Variants in PAX5 observed in about 807,000 individuals in gnomAD.
PAX5 encodes the protein paired box protein Pax-5.
A neutral mutation model predicts 43.7 loss-of-function variants in PAX5; 9 were observed. The ratio of observed to expected loss-of-function variants is 0.21; its 90% CI spans 0.12 to 0.36. PAX5 has a LOEUF of 0.36. Ranked by LOEUF, PAX5 falls within the 10% of genes least tolerant of loss-of-function variation. The pLI is 1.00. For synonymous variants in PAX5, 228 were observed against 214.3 expected (o/e 1.06, Z -0.56); for missense variants, 383 against 532.7 (o/e 0.72, Z 2.77).
intron 8 of PAX5, among the ~76,000 whole-genome samples, chr9:36,849,849 G>A (rs533234781): frequency 1.3e-5 from 2 of 152,208 alleles, no homozygotes; most frequent in African/African-American, 2.4e-5. Context: ...TGTACGGGTC[G>A]TGAGGCTGAC....
intron 6 of PAX5, among the ~76,000 whole-genome samples, chr9:36,954,920 A>G (rs1833324639): frequency 6.6e-6 from 1 of 151,962 alleles, no homozygotes; most frequent in African/African-American, 2.4e-5. Flanking sequence ...TTAGCTTTCT[A>G]TGCTATGTTC....
intron 6 of PAX5, among the ~76,000 whole-genome samples, chr9:36,955,655 G>A (rs114771400): frequency 0.01 from 1,525 of 151,752 alleles, 17 homozygotes; most frequent in African/African-American, 0.035. Context: ...GTTCACTAGA[G>A]ACTATATTGA....
At chr9:37,033,810 A>G in intron 1 of PAX5, among the ~76,000 whole-genome samples, 176 bp downstream of exon 1, 1 of 152,178 alleles carries the variant, frequency 6.6e-6, no homozygotes, top group East Asian at 1.9e-4. Flanking sequence ...AGATATTTGG[A>G]CTGATGCAGA....
At chr9:36,943,625 A>G (rs1444003589) in intron 6 of PAX5, among the ~76,000 whole-genome samples, 2 of 151,802 alleles carry the variant, frequency 1.3e-5, no homozygotes, top group African/African-American at 2.4e-5. Context: ...ATCACTGTGT[A>G]AGAATTCTGG....
rs750654746 is a variant in PAX5, at chr9:37,020,818, AC to A, written c.47-18del. 2.5e-6 allele frequency: 4 copies of A among 1,613,228 alleles called. No homozygotes were observed. In the Admixed American group the frequency reaches 6.7e-5, roughly 27 times the overall value. ...CTCCATGTCCTGAAACAGATCAGAA[AC>A]AAAAGGAAAGGGAAAGGGTAGTTAG... On this transcript the variant is annotated intron_variant, in intron 1 of 9. Coordinates refer to ENST00000358127, the MANE Select transcript of PAX5 (RefSeq NM_016734.3).
chr9:36,871,425 G>A (rs1040480908), intron 8 of PAX5, among the ~76,000 whole-genome samples: 6 of 152,238 alleles, frequency 3.9e-5, no homozygotes, highest in African/African-American at 1.4e-4. Context: ...CACTAATGGG[G>A]GACCCCTAAC....
At chr9:36,911,735 A>T (rs3758164) in intron 7 of PAX5, among the ~76,000 whole-genome samples, 104,010 of 152,180 alleles carry the variant, frequency 0.68, 36,195 homozygotes, top group East Asian at 0.86. Flanking sequence ...CCCATGGAAA[A>T]ATGAACAAAT....
At chr9:36,849,123 A>C (rs765622054) in intron 8 of PAX5, among the ~76,000 whole-genome samples, 11 of 152,164 alleles carry the variant, frequency 7.2e-5, no homozygotes, top group Middle Eastern at 3.2e-3. Context: ...AATCCGTTGT[A>C]CGTGGGCATG....
At chr9:36,969,820 C>T (rs538642989) in intron 5 of PAX5, among the ~76,000 whole-genome samples, 1 of 152,340 alleles carries the variant, frequency 6.6e-6, no homozygotes, top group East Asian at 1.9e-4. Context: ...CACCCTGTCC[C>T]GCGATTCCCC....
At chr9:36,969,448 A>G (rs368508148) in intron 5 of PAX5, among the ~76,000 whole-genome samples, 1 of 152,358 alleles carries the variant, frequency 6.6e-6, no homozygotes, top group African/African-American at 2.4e-5. Context: ...CCCTGGGGGC[A>G]AGGTCACTGT....
At chr9:36,884,928 G>T (rs1368269931) in intron 7 of PAX5, among the ~76,000 whole-genome samples, 1 of 152,162 alleles carries the variant, frequency 6.6e-6, no homozygotes, top group Non-Finnish European at 1.5e-5. Flanking sequence ...GCACATGGCC[G>T]CATGCACTCT....
chr9:36,997,705 A>G (rs1170136379), intron 5 of PAX5, among the ~76,000 whole-genome samples: 5 of 152,208 alleles, frequency 3.3e-5, no homozygotes, highest in African/African-American at 1.2e-4. Flanking sequence ...ACAAAGCGAC[A>G]TCTCATAACT....
At chr9:36,995,874 C>A (rs959288001) in intron 5 of PAX5, among the ~76,000 whole-genome samples, 4 of 152,194 alleles carry the variant, frequency 2.6e-5, no homozygotes, top group African/African-American at 9.6e-5. Flanking sequence ...CCTCCACCCC[C>A]CTGTGCTCCC....
chr9:36,862,161 A>G (rs1265295508), intron 8 of PAX5, among the ~76,000 whole-genome samples: 2 of 152,022 alleles, frequency 1.3e-5, no homozygotes, highest in Non-Finnish European at 2.9e-5. Flanking sequence ...CCTCTCGCTA[A>G]GCCTGTCACA....
intron 2 of PAX5, among the ~76,000 whole-genome samples, chr9:37,016,304 T>A (rs1232822286): frequency 6.6e-6 from 1 of 152,214 alleles, no homozygotes; most frequent in Non-Finnish European, 1.5e-5. Flanking sequence ...AGAAAAATAA[T>A]AATCCTGGTG....
chr9:36,981,188 C>CGG (rs1242602699), intron 5 of PAX5, among the ~76,000 whole-genome samples: 15 of 146,740 alleles, frequency 1.0e-4, no homozygotes, highest in African/African-American at 3.6e-4. Context: ...CAGCAAAGCC[C>CGG]CCCCCCCCTC....
intron 8 of PAX5, among the ~76,000 whole-genome samples, chr9:36,847,981 A>G (rs560431822): frequency 6.6e-6 from 1 of 152,280 alleles, no homozygotes; most frequent in East Asian, 1.9e-4. Flanking sequence ...GGCAGACTGT[A>G]TTCAGTAGAG....
At chr9:36,998,024 C>G (rs1284279144) in intron 5 of PAX5, among the ~76,000 whole-genome samples, 1 of 152,230 alleles carries the variant, frequency 6.6e-6, no homozygotes, top group Non-Finnish European at 1.5e-5. Flanking sequence ...TTGTCCAGCG[C>G]CTGCTCACAC....
At chr9:37,008,882 G>T (rs1341871793) in intron 3 of PAX5, among the ~76,000 whole-genome samples, 1 of 152,148 alleles carries the variant, frequency 6.6e-6, no homozygotes, top group Non-Finnish European at 1.5e-5. Context: ...TGGGAGTGAG[G>T]TTCTCTTTTT....
Sources: gnomAD v4.1 joint callset for allele counts (sites outside exome capture counted in the v4.1 genomes callset) on GRCh38, gnomAD v4.1.1 for gene constraint, MANE v1.5 for transcripts, NCBI Gene and HGNC (gene_info 2026-07-23, HGNC 2026-07-21) for gene names.